The following ST14 variants were observed in gnomAD, a reference collection of about 807,000 sequenced individuals.
The protein encoded by ST14 is ST14 transmembrane serine protease matriptase, also known as suppressor of tumorigenicity 14 protein.
ST14 carries 40 observed loss-of-function variants against 96.5 expected under a neutral mutation model. The ratio of observed to expected loss-of-function variants is 0.41; its 90% confidence interval spans 0.32 to 0.54. The LOEUF is 0.54. Ranked by LOEUF, ST14 falls within the 20% of genes least tolerant of loss-of-function variation. The probability of loss-of-function intolerance (pLI) is 0.17; values close to 1 mark genes in which losing one functional copy is unlikely to be tolerated. For missense variants in ST14, 1,066 were observed against 1,188.9 expected (o/e 0.90, Z 1.52); for synonymous variants, 506 against 492.1 (o/e 1.03, Z -0.37).
chr11:130,194,024 C>G, intron 7 of ST14, 125 bp from the exon 8 acceptor site: 1 of 1,255,498 alleles, frequency 8.0e-7, no homozygotes, highest in Non-Finnish European at 1.2e-6. Flanking sequence ...CATTCTTGGC[C>G]TCTGTGGATG....
chr11:130,179,365 C>T (rs1329949097), intron 1 of ST14, among the ~76,000 whole-genome samples: 4 of 152,180 alleles, frequency 2.6e-5, no homozygotes, highest in Non-Finnish European at 5.9e-5. Flanking sequence ...TTGCAGGTTT[C>T]GTGAAAATTG....
chr11:130,188,402 G>C lies in ST14; in HGVS notation c.242-128G>C. The C allele has an allele frequency of 6.3e-7, 1 of 1,586,660 alleles. No homozygotes were observed. Among genetic ancestry groups the C allele is most frequent in the Non-Finnish European group, 8.6e-7 (1 of 1,163,378 alleles). ...CTTGGCCTCTCTGGAACCCTGATGG[G>C]GAGTGATGGGAAGCAGTCAGGGCTG... On this transcript the variant is annotated intron_variant, in intron 2 of 18. Transcript: ENST00000278742. The surrounding 1 kb of genome is among the most constrained non-coding windows in gnomAD (Gnocchi z 5.4).
intron 1 of ST14, among the ~76,000 whole-genome samples, chr11:130,183,168 C>T (rs956126053): frequency 6.6e-6 from 1 of 152,100 alleles, no homozygotes; most frequent in Non-Finnish European, 1.5e-5. Context: ...CCACATTGGC[C>T]AGGCTGGTCT....
rs1466720894 is a variant in ST14 at position 130,199,223 on chromosome 11, G to T, written c.1807+154G>T. ...GTCTCCTGGAGGAAAGGATAGCCTTGCCAGTTGGCATGAAGGCACCACCCC... is the reference window on the plus strand; with the variant it reads ...GTCTCCTGGAGGAAAGGATAGCCTTTCCAGTTGGCATGAAGGCACCACCCC... On this transcript the variant is annotated intron_variant, in intron 15 of 18. Transcript: ENST00000278742. 2.0e-5 allele frequency among the ~76,000 whole-genome samples: 3 copies of T among 152,212 alleles called. No homozygotes were observed. In the East Asian group the frequency reaches 5.8e-4, roughly 29 times the overall value.
chr11:130,163,975 A>G (rs12785510), intron 1 of ST14, among the ~76,000 whole-genome samples: 7,869 of 152,228 alleles, frequency 0.052, 247 homozygotes, highest in East Asian at 0.15. Context: ...CTCCCTGGGA[A>G]CCAGACTACC....
At chr11:130,206,774 G>A (rs1174524478) in intron 16 of ST14, among the ~76,000 whole-genome samples, 1 of 151,998 alleles carries the variant, frequency 6.6e-6, no homozygotes, top group Non-Finnish European at 1.5e-5. Context: ...CACCATGCTG[G>A]CCAGGCTGGT....
In ST14 at chr11:130,190,238, T is replaced by G. The variant is rs1953282910; in HGVS notation, c.634+90T>G. ...AGCCAGTGGGGTCCCCAGAAGCATG[T>G]CCCTCTGAATGAAGTATATTATGAC... is the stretch of plus-strand genomic sequence containing the variant. On this transcript the variant is annotated intron_variant, in intron 6 of 18. Transcript: ENST00000278742. 22 of 1,541,748 alleles carry G rather than the reference T, an allele frequency of 1.4e-5. 2 individuals carry two copies. The South Asian group carries it at 2.1e-4, about 15-fold the overall frequency.
intron 1 of ST14, among the ~76,000 whole-genome samples, chr11:130,161,354 A>G (rs564790445): frequency 2.0e-5 from 3 of 152,190 alleles, no homozygotes; most frequent in South Asian, 4.1e-4. Flanking sequence ...CTAATTGCCT[A>G]CTTGGGGTTC....
At chr11:130,172,676 C>G (rs1473927400) in intron 1 of ST14, among the ~76,000 whole-genome samples, 1 of 152,108 alleles carries the variant, frequency 6.6e-6, no homozygotes, top group Non-Finnish European at 1.5e-5. Context: ...CTCAGCCTCC[C>G]AAAGTGCTGG....
chr11:130,188,697 G>T lies in ST14; in HGVS notation c.369+40G>T. 3 of 1,613,906 alleles carry T rather than the reference G, an allele frequency of 1.9e-6. No individual in the cohort carries two copies. The highest frequency in any genetic ancestry group is 2.5e-6 in the Non-Finnish European group (3 of 1,180,002). On this transcript the variant is annotated intron_variant, in intron 3 of 18. Transcript: ENST00000278742. This position sits in a 1 kb window ranked among gnomAD's most constrained non-coding sequence, Gnocchi z 5.4. ...CCCAGAGTCCTGCTGGGCTGTGTGC[G>T]CTGGTGTCCCACCTGCTGGGCAGGA...
At chr11:130,185,678 C>G (rs1011204569) in intron 1 of ST14, among the ~76,000 whole-genome samples, 2 of 152,104 alleles carry the variant, frequency 1.3e-5, no homozygotes, top group Non-Finnish European at 2.9e-5. Flanking sequence ...AGACCCAATT[C>G]AAAGCACATT....
At position 130,206,807 on chromosome 11, in the gene ST14, A is replaced by G. The variant is rs543586295; in HGVS notation, c.1995-1603A>G. ...GGTCTTGAACTCCTAACCTCAGGCG[A>G]TCCACCCACCTCGGCCTCCCAAAGT... On this transcript the variant is annotated intron_variant, in intron 16 of 18. Coordinates refer to ENST00000278742, the MANE Select transcript of ST14 (RefSeq NM_021978.4). Among the ~76,000 whole-genome samples, 7 of 152,050 alleles carry G rather than the reference A, an allele frequency of 4.6e-5. No homozygotes were observed. The East Asian group carries it at 7.8e-4, about 17-fold the overall frequency.
intron 16 of ST14, among the ~76,000 whole-genome samples, chr11:130,204,102 G>T (rs898453920): frequency 1.3e-5 from 2 of 152,144 alleles, no homozygotes; most frequent in Non-Finnish European, 1.5e-5. Context: ...CCAGTCCTCT[G>T]TGGGACCCTT....
At chr11:130,183,095 T>C (rs1953209078) in intron 1 of ST14, among the ~76,000 whole-genome samples, 1 of 151,938 alleles carries the variant, frequency 6.6e-6, no homozygotes, top group Non-Finnish European at 1.5e-5. Flanking sequence ...TAGCTGGGAT[T>C]ACAGGCGTCC....
chr11:130,197,248 G>A (rs1395236061), intron 11 of ST14, among the ~76,000 whole-genome samples: 5 of 152,190 alleles, frequency 3.3e-5, no homozygotes, highest in East Asian at 1.9e-4. Flanking sequence ...AAGTACACTT[G>A]GATGAACCAA....
chr11:130,203,797 C>G (rs1472052193), intron 16 of ST14, among the ~76,000 whole-genome samples: 1 of 152,194 alleles, frequency 6.6e-6, no homozygotes, highest in African/African-American at 2.4e-5. Context: ...GAATTACAGG[C>G]ATGCGCCACC....
At chr11:130,204,020 T>A (rs751789217) in intron 16 of ST14, among the ~76,000 whole-genome samples, 1 of 152,204 alleles carries the variant, frequency 6.6e-6, no homozygotes, top group East Asian at 1.9e-4. Context: ...CAGGCCTACG[T>A]GATGTCGAGG....
At chr11:130,160,337 G>A (rs1265118339) in intron 1 of ST14, among the ~76,000 whole-genome samples, 1 of 152,174 alleles carries the variant, frequency 6.6e-6, no homozygotes, top group African/African-American at 2.4e-5. Flanking sequence ...GAAAAAAGGG[G>A]CTCCGTCTCG....
chr11:130,204,511 G>T (rs1953466593), intron 16 of ST14, among the ~76,000 whole-genome samples: 1 of 152,168 alleles, frequency 6.6e-6, no homozygotes, highest in African/African-American at 2.4e-5. Flanking sequence ...GGAGGTGGCT[G>T]TAAGAAAGGC....
Sources: gnomAD v4.1 joint callset for allele counts (sites outside exome capture counted in the v4.1 genomes callset) on GRCh38, gnomAD v4.1.1 for gene constraint, Gnocchi (gnomAD v3.1) non-coding constraint, MANE v1.5 for transcripts, NCBI Gene and HGNC (gene_info 2026-07-23, HGNC 2026-07-21) for gene names.